Variants in SOX5 observed in about 807,000 individuals in gnomAD.
The protein encoded by SOX5 is transcription factor SOX-5.
A neutral mutation model predicts 92.0 loss-of-function variants in SOX5; 9 were observed. The observed-to-expected ratio is 0.10, with a 90% CI of 0.06 to 0.17. The LOEUF (loss-of-function observed/expected upper bound fraction) is 0.17, where lower values mean the gene tolerates loss of function less well. Ranked by LOEUF, SOX5 falls within the 10% of genes least tolerant of loss-of-function variation. SOX5 has a pLI of 1.00. For synonymous variants in SOX5, 344 were observed against 336.3 expected, an observed-to-expected ratio of 1.02 and a Z score of -0.25; for missense variants, 642 against 944.5, an observed-to-expected ratio of 0.68 and a Z score of 4.20.
At chr12:23,603,053 C>G (rs1256874955) in intron 9 of SOX5, among the ~76,000 whole-genome samples, 2 of 151,980 alleles carry the variant, frequency 1.3e-5, no homozygotes, top group East Asian at 3.9e-4. Context: ...GCTGAAAAAG[C>G]ATGGTCTAAG....
At chr12:24,359,868 T>C (rs1243208219) in intron 2 of SOX5, among the ~76,000 whole-genome samples, 1 of 152,160 alleles carries the variant, frequency 6.6e-6, no homozygotes, top group Non-Finnish European at 1.5e-5. Flanking sequence ...ACTTACATCA[T>C]TCCCCAATTC....
intron 4 of SOX5, among the ~76,000 whole-genome samples, chr12:24,158,591 G>A (rs773820239): frequency 2.6e-4 from 40 of 151,774 alleles, no homozygotes; most frequent in Non-Finnish European, 5.3e-4. Context: ...TTTCAAATGG[G>A]GTTTGCCCCT....
intron 4 of SOX5, among the ~76,000 whole-genome samples, chr12:24,051,543 T>A (rs1392625882): frequency 6.6e-6 from 1 of 152,168 alleles, no homozygotes; most frequent in Non-Finnish European, 1.5e-5. Flanking sequence ...TAGTTCAATA[T>A]AAAGATATCT....
intron 9 of SOX5, among the ~76,000 whole-genome samples, chr12:23,576,699 TATAG>T (rs1949158876): frequency 6.6e-6 from 1 of 152,138 alleles, no homozygotes; most frequent in African/African-American, 2.4e-5. Flanking sequence ...ACATGAGACT[TATAG>T]ATACAGTATC....
intron 1 of SOX5, chr12:23,920,141 C>A (rs1937712727): frequency 2.0e-5 from 3 of 152,156 alleles, no homozygotes; most frequent in Middle Eastern, 3.4e-3. Flanking sequence ...CTTTTCTAAT[C>A]TCTGCTAAAA....
chr12:23,849,023 A>C (rs1028835333), intron 2 of SOX5, among the ~76,000 whole-genome samples: 1 of 152,186 alleles, frequency 6.6e-6, no homozygotes, highest in African/African-American at 2.4e-5. Context: ...ATTCTTGTTA[A>C]TTCATTTTAA....
rs918545147 is a variant in SOX5, at chr12:23,621,727, C to G, written c.1018-17194G>C. 7.5e-4 allele frequency among the ~76,000 whole-genome samples: 114 copies of G among 152,048 alleles called. 2 individuals are homozygous for G. Among genetic ancestry groups the G allele is most frequent in the Non-Finnish European group, 1.5e-4 (10 of 67,996 alleles). On this transcript the variant is annotated intron_variant, in intron 8 of 14. Coordinates refer to ENST00000451604, the MANE Select transcript of SOX5 (RefSeq NM_006940.6). ...ATATAAATAGAAGAGGAAAGAGTAC[C>G]AGATCCTAAATCAACCAAATCCAGT...
intron 1 of SOX5, among the ~76,000 whole-genome samples, chr12:24,529,862 T>C (rs139753203): frequency 6.6e-6 from 1 of 151,818 alleles, no homozygotes; most frequent in African/African-American, 2.4e-5. Context: ...TACTAAAAAA[T>C]ACAAAAAATT....
chr12:24,290,148 T>G (rs537257210), intron 2 of SOX5, among the ~76,000 whole-genome samples: 14 of 152,352 alleles, frequency 9.2e-5, no homozygotes, highest in South Asian at 6.2e-4. Context: ...TCTCAGACCC[T>G]TCACAGTTCT....
At chr12:24,467,616 G>A (rs936829980) in intron 1 of SOX5, among the ~76,000 whole-genome samples, 1 of 152,154 alleles carries the variant, frequency 6.6e-6, no homozygotes, top group African/African-American at 2.4e-5. Flanking sequence ...ACAAGCTTAG[G>A]ATCAGATCAT....
chr12:23,996,044 T>C (rs1360173866), intron 4 of SOX5, among the ~76,000 whole-genome samples: 1 of 152,182 alleles, frequency 6.6e-6, no homozygotes, highest in African/African-American at 2.4e-5. Flanking sequence ...TTAATAAGGA[T>C]AGGACTGCAT....
In SOX5 at chr12:24,120,646, T is replaced by C. The variant is rs948673899; in HGVS notation, c.-2+92697A>G. ...TCCTTTGATATCCCAGTCAATATCA[T>C]GTGTACCAATCTATCTGTGATCTTA... On this transcript the variant is annotated intron_variant, in intron 4 of 4. Transcript: ENST00000446891. Among the ~76,000 whole-genome samples the C allele has an allele frequency of 2.0e-5, 3 of 152,354 alleles. No homozygotes were observed. The East Asian group carries it at 5.8e-4, about 29-fold the overall frequency.
chr12:23,832,154 A>C (rs1280677738), intron 3 of SOX5, among the ~76,000 whole-genome samples: 2 of 152,080 alleles, frequency 1.3e-5, no homozygotes, highest in African/African-American at 4.8e-5. Context: ...CTGTGGAAAC[A>C]GAAATATCAC....
intron 2 of SOX5, among the ~76,000 whole-genome samples, chr12:24,309,585 GACATGAAAAGGAT>G (rs887273335): frequency 6.6e-6 from 1 of 152,010 alleles, no homozygotes; most frequent in African/African-American, 2.4e-5. Flanking sequence ...ATTTTTAATA[GACATGAAAAGGAT>G]ACAAATTAAT....
At chr12:24,125,414 T>A in intron 4 of SOX5, among the ~76,000 whole-genome samples, 1 of 152,196 alleles carries the variant, frequency 6.6e-6, no homozygotes, top group South Asian at 2.1e-4. Context: ...AAACAGTTAT[T>A]CTGTCATTTA....
At chr12:23,799,351 G>C (rs1287294634) in intron 3 of SOX5, among the ~76,000 whole-genome samples, 1 of 151,984 alleles carries the variant, frequency 6.6e-6, no homozygotes, top group African/African-American at 2.4e-5. Context: ...GATGTGATGT[G>C]AATTATCTTA....
chr12:23,689,670 C>T (rs1343375065), intron 6 of SOX5, among the ~76,000 whole-genome samples: 3 of 152,082 alleles, frequency 2.0e-5, no homozygotes, highest in African/African-American at 7.2e-5. Flanking sequence ...TATACATCAC[C>T]TCATCTGCTG....
chr12:23,624,157 T>C (rs1226771187), intron 8 of SOX5, among the ~76,000 whole-genome samples: 1 of 152,140 alleles, frequency 6.6e-6, no homozygotes, highest in Admixed American at 6.5e-5. Context: ...AGAGTGAAGG[T>C]AGAATGCTGA....
chr12:24,305,664 C>T (rs755298831), intron 2 of SOX5, among the ~76,000 whole-genome samples: 4 of 152,160 alleles, frequency 2.6e-5, no homozygotes, highest in Non-Finnish European at 5.9e-5. Context: ...GTGGCGCGAT[C>T]GCGGCTCACT....
Sources: gnomAD v4.1 joint callset for allele counts (sites outside exome capture counted in the v4.1 genomes callset) on GRCh38, gnomAD v4.1.1 for gene constraint, MANE v1.5 for transcripts, NCBI Gene and HGNC (gene_info 2026-07-23, HGNC 2026-07-21) for gene names.